The following TRAPPC12 variants were observed in gnomAD, a reference collection of about 807,000 sequenced individuals.
TRAPPC12 encodes trafficking protein particle complex subunit 12.
A neutral mutation model predicts 69.2 loss-of-function variants in TRAPPC12; 61 were observed. The ratio of observed to expected loss-of-function variants is 0.88; its 90% confidence interval spans 0.72 to 1.09. The LOEUF (loss-of-function observed/expected upper bound fraction) is 1.09, where lower values mean the gene tolerates loss of function less well. TRAPPC12 is among the 50% of genes least tolerant of loss of function. TRAPPC12 has a pLI of 0.00. For synonymous variants in TRAPPC12, 469 were observed against 438.9 expected, an observed-to-expected ratio of 1.07 and a Z score of -0.86; for missense variants, 1,101 against 1,016.4, an observed-to-expected ratio of 1.08 and a Z score of -1.13.
chr2:3,461,299 G>T (rs1230338541), intron 8 of TRAPPC12, among the ~76,000 whole-genome samples: 2 of 152,324 alleles, frequency 1.3e-5, no homozygotes, highest in African/African-American at 4.8e-5. Flanking sequence ...TAGATTCACA[G>T]CCATCAGTGG....
intron 2 of TRAPPC12, chr2:3,389,781 T>C (rs1351823762): frequency 6.7e-6 from 3 of 444,942 alleles, no homozygotes. Flanking sequence ...AACCAGAGTG[T>C]GAGGAGGGCG....
intron 3 of TRAPPC12, among the ~76,000 whole-genome samples, chr2:3,420,940 G>A (rs988557730): frequency 2.0e-5 from 3 of 152,172 alleles, no homozygotes; most frequent in Non-Finnish European, 4.4e-5. Flanking sequence ...GCTAATTCTT[G>A]AGAAACATAT....
intron 9 of TRAPPC12, chr2:3,466,239 A>G (rs1665803571): frequency 2.1e-6 from 1 of 470,742 alleles, no homozygotes; most frequent in African/African-American, 2.0e-5. Flanking sequence ...ATCCCTGTCA[A>G]TCCCACCCTT....
intron 5 of TRAPPC12, among the ~76,000 whole-genome samples, chr2:3,443,266 C>T (rs563439933): frequency 2.0e-5 from 3 of 152,350 alleles, no homozygotes; most frequent in Admixed American, 1.3e-4. Context: ...TCCCCAGGGC[C>T]GAGGCCTGAG....
chr2:3,447,390 G>A (rs1421599746), intron 6 of TRAPPC12, among the ~76,000 whole-genome samples: 1 of 152,174 alleles, frequency 6.6e-6, no homozygotes, highest in Non-Finnish European at 1.5e-5. Flanking sequence ...GAGCCACTGC[G>A]CCTGGCCAGG....
In TRAPPC12 at chr2:3,414,398, A is replaced by T. The variant is rs977300079; in HGVS notation, c.1165-7483A>T. ...CCTGGCAGCAGTCACTCCACTCTGG[A>T]TTTAGTCCTTAGAATTCATTCTCTC... On this transcript the variant is annotated intron_variant, in intron 3 of 11. Coordinates refer to ENST00000324266, the MANE Select transcript of TRAPPC12 (RefSeq NM_016030.6). The surrounding 1 kb of genome is among the most constrained non-coding windows in gnomAD (Gnocchi z 4.9). Among the ~76,000 whole-genome samples, 4 of 152,046 alleles carry T rather than the reference A, an allele frequency of 2.6e-5. No homozygotes were observed. Among genetic ancestry groups the T allele is most frequent in the Non-Finnish European group, 4.4e-5 (3 of 67,982 alleles).
intron 3 of TRAPPC12, among the ~76,000 whole-genome samples, chr2:3,417,694 G>C (rs921858639): frequency 6.6e-6 from 1 of 152,088 alleles, no homozygotes; most frequent in African/African-American, 2.4e-5. Flanking sequence ...TTTACTCATC[G>C]AACTTCTTTG....
At chr2:3,384,368 A>AGAG (rs1479824388) in intron 1 of TRAPPC12, among the ~76,000 whole-genome samples, 1 of 152,208 alleles carries the variant, frequency 6.6e-6, no homozygotes, top group Non-Finnish European at 1.5e-5. Flanking sequence ...AAAATGTTGA[A>AGAG]GAGGACATCT....
chr2:3,393,887 T>C (rs888454991), intron 2 of TRAPPC12, among the ~76,000 whole-genome samples: 4 of 152,178 alleles, frequency 2.6e-5, no homozygotes, highest in Non-Finnish European at 4.4e-5. Flanking sequence ...CTGTGTAACC[T>C]AAGGGAATTC....
At position 3,465,591 on chromosome 2, in the gene TRAPPC12, C is replaced by T; in HGVS notation, c.1678-6C>T. On this transcript the variant is annotated splice_region_variant and splice_polypyrimidine_tract_variant and intron_variant, in intron 8 of 11. Transcript: ENST00000324266. The stretch of plus-strand genomic sequence containing the variant: ...TCTAAAGTACGTTGGGTTTTTCTTC[C>T]CACAGGATTATGTGCTGGCCGTGGA... 1 of 1,611,300 alleles carries T rather than the reference C, an allele frequency of 6.2e-7. No homozygotes were observed.
chr2:3,452,975 G>A lies in TRAPPC12; in HGVS notation c.1531-4646G>A, dbSNP rs566771653. 2.6e-5 allele frequency among the ~76,000 whole-genome samples: 4 copies of A among 152,298 alleles called. No individual in the cohort carries two copies. In the East Asian group the frequency reaches 7.7e-4, roughly 29 times the overall value. On this transcript the variant is annotated intron_variant, in intron 6 of 11. Coordinates refer to ENST00000324266, the MANE Select transcript of TRAPPC12 (RefSeq NM_016030.6). ...TTGTAAAACAGGCATGTGAAAAAATGGGAAGCTAAGGAAATAGGAATTCAG... is the reference window on the plus strand; with the variant it reads ...TTGTAAAACAGGCATGTGAAAAAATAGGAAGCTAAGGAAATAGGAATTCAG...
At position 3,401,725 on chromosome 2, in the gene TRAPPC12, A is replaced by G; in HGVS notation, c.1048-52A>G. On this transcript the variant is annotated intron_variant, in intron 2 of 11. Transcript: ENST00000324266. ...TTTAGTTATGGGTTCTGGTTAGCTG[A>G]GTTTAGTTGACATTTTATTGTCTTG... 3.1e-6 allele frequency: 4 copies of G among 1,272,402 alleles called. No homozygotes were observed. In the East Asian group the frequency reaches 7.5e-5, roughly 24 times the overall value. The allele number at this position is 1,272,402 out of a possible 1,614,324, so 78.8% of individuals were successfully genotyped here.
At chr2:3,435,515 C>T (rs1011627967) in intron 5 of TRAPPC12, among the ~76,000 whole-genome samples, 6 of 152,064 alleles carry the variant, frequency 3.9e-5, no homozygotes, top group Admixed American at 6.6e-5. Flanking sequence ...AAATATCCTC[C>T]CCACCTCCCA....
chr2:3,479,559 T>G lies in TRAPPC12; in HGVS notation c.*98T>G. ...ACATGGAGGAACTCAATAAAACTCC[T>G]GCTTCACTGGTGTCTGCTGCGTGTC... On this transcript the variant is annotated 3_prime_UTR_variant, in exon 12 of 12. Transcript: ENST00000324266. 10 of 1,453,682 alleles carry G rather than the reference T, an allele frequency of 6.9e-6. No homozygotes were observed. The highest frequency in any genetic ancestry group is 9.4e-6 in the Non-Finnish European group (10 of 1,067,450). 90.0% of individuals were successfully genotyped at this position (1,453,682 alleles called of 1,614,324 possible).
At position 3,464,216 on chromosome 2, in the gene TRAPPC12, C is replaced by T. The variant is rs900283849; in HGVS notation, c.1678-1381C>T. On this transcript the variant is annotated intron_variant, in intron 8 of 11. Coordinates refer to ENST00000324266, the MANE Select transcript of TRAPPC12 (RefSeq NM_016030.6). Reference sequence around the variant, plus strand: ...ACGCTTACACACACATGCTCGCACTCGCACAGCTAGACAGCAGAGACAGGC... The same window carrying T: ...ACGCTTACACACACATGCTCGCACTTGCACAGCTAGACAGCAGAGACAGGC... 7.2e-5 allele frequency among the ~76,000 whole-genome samples: 11 copies of T among 152,308 alleles called. No homozygotes were observed. The East Asian group carries it at 9.6e-4, about 13-fold the overall frequency.
At position 3,458,360 on chromosome 2, in the gene TRAPPC12, C is replaced by G. The variant is rs561017369; in HGVS notation, c.1603+667C>G. 4.1e-6 allele frequency: 4 copies of G among 985,916 alleles called. No homozygotes were observed. In the African/African-American group the frequency reaches 5.2e-5, roughly 13 times the overall value. The allele number at this position is 985,916 out of a possible 1,614,324, so 61.1% of individuals were successfully genotyped here. A position where few individuals can be genotyped will look rare whatever the true frequency, so the allele number is the denominator to read the frequency against. ...ACTCCCTCACTCCTTGTGGCAGCAT[C>G]TCCCCACAGGCCTGGTGGCCTGGTC... On this transcript the variant is annotated intron_variant, in intron 7 of 11. Coordinates refer to ENST00000324266, the MANE Select transcript of TRAPPC12 (RefSeq NM_016030.6).
chr2:3,440,169 G>A (rs1479485171), intron 5 of TRAPPC12, among the ~76,000 whole-genome samples: 3 of 152,258 alleles, frequency 2.0e-5, no homozygotes, highest in East Asian at 3.9e-4. Flanking sequence ...TGTGTTGGAT[G>A]TTCTGGGTGT....
At chr2:3,457,904 C>A (rs1438453839) in intron 7 of TRAPPC12, 1 of 1,416,764 alleles carries the variant, frequency 7.1e-7, no homozygotes, top group Non-Finnish European at 9.2e-7. Context: ...CAGACCCGAA[C>A]CCTGCGCCCG....
At chr2:3,418,057 A>AT (rs1558366231) in intron 3 of TRAPPC12, among the ~76,000 whole-genome samples, 2 of 27,820 alleles carry the variant, frequency 7.2e-5, no homozygotes, top group Non-Finnish European at 1.5e-4. Flanking sequence ...AAAAAAAAAA[A>AT]AACATTGTCA....
Sources: gnomAD v4.1 joint callset for allele counts (sites outside exome capture counted in the v4.1 genomes callset) on GRCh38, gnomAD v4.1.1 for gene constraint, Gnocchi (gnomAD v3.1) non-coding constraint, MANE v1.5 for transcripts, NCBI Gene and HGNC (gene_info 2026-07-23, HGNC 2026-07-21) for gene names.